The following H2BC4 variants were observed in gnomAD, a reference collection of about 807,000 sequenced individuals.
The protein encoded by H2BC4 is H2B clustered histone 4.
H2BC4 carries 10 observed loss-of-function variants against 6.2 expected under a neutral mutation model. The observed-to-expected ratio is 1.61, with a 90% CI of 0.99 to 2.73. H2BC4 has a LOEUF of 2.73. H2BC4 is among the 30% of genes most tolerant of loss of function. The probability of loss-of-function intolerance (pLI) is 0.00; values close to 1 mark genes in which losing one functional copy is unlikely to be tolerated. For missense variants in H2BC4, 176 were observed against 168.7 expected (o/e 1.04, Z -0.24); for synonymous variants, 146 against 70.7 (o/e 2.07, Z -5.35).
intron 1 of H2BC4, among the ~76,000 whole-genome samples, chr6:26,117,041 G>A (rs909900446): frequency 1.3e-5 from 2 of 152,150 alleles, no homozygotes; most frequent in Non-Finnish European, 2.9e-5. Flanking sequence ...GAAGATTTAA[G>A]AGAAATGATA....
downstream of H2BC4, chr6:26,123,276 C>T: frequency 1.6e-6 from 1 of 635,254 alleles, no homozygotes; most frequent in Non-Finnish European, 2.5e-6. Context: ...CGCTTGTCTC[C>T]ATTTTAAATT....
downstream of H2BC4, among the ~76,000 whole-genome samples, chr6:26,113,729 G>C (rs765266837): frequency 5.9e-5 from 9 of 152,144 alleles, no homozygotes; most frequent in Non-Finnish European, 8.8e-5. Flanking sequence ...CTGGAGGCTG[G>C]AAGTCTCAGA....
At chr6:26,122,246 A>G (rs1248310116), downstream of H2BC4, among the ~76,000 whole-genome samples, 2 of 152,140 alleles carry the variant, frequency 1.3e-5, no homozygotes, top group African/African-American at 4.8e-5. Flanking sequence ...GAAATTGCAG[A>G]TTTAAGATCA....
chr6:26,113,259 C>A (rs1763382018), downstream of H2BC4, among the ~76,000 whole-genome samples: 1 of 152,192 alleles, frequency 6.6e-6, no homozygotes, highest in Non-Finnish European at 1.5e-5. Flanking sequence ...ATATACAAAC[C>A]CCTCCAAGAC....
At chr6:26,114,533 T>C (rs1763395945), downstream of H2BC4, among the ~76,000 whole-genome samples, 1 of 152,190 alleles carries the variant, frequency 6.6e-6, no homozygotes, top group African/African-American at 2.4e-5. Flanking sequence ...GCAATGTATA[T>C]GTTAAGAACC....
rs1763543618 is a variant in H2BC4, at chr6:26,123,506, G to A, written c.*18C>T. 6.2e-7 allele frequency: 1 copy of A among 1,614,114 alleles called. No homozygotes were observed. Among genetic ancestry groups the A allele is most frequent in the Admixed American group, 1.7e-5 (1 of 60,000 alleles). On this transcript the variant is annotated 3_prime_UTR_variant, in exon 1 of 1. Coordinates refer to ENST00000396984, the MANE Select transcript of H2BC4 (RefSeq NM_003526.3). ...AAGAGCCTTTGGGGTTAGGTGTTAA[G>A]ACGCTTACTTGGAATGTTTACTTGG...
At chr6:26,115,139 G>A (rs1255620475) in intron 1 of H2BC4, 2 of 152,134 alleles carry the variant, frequency 1.3e-5, no homozygotes, top group East Asian at 3.8e-4. Context: ...TCTCCCCCTG[G>A]AGAAAAGAGA....
chr6:26,119,504 G>A (rs1465425266), downstream of H2BC4, among the ~76,000 whole-genome samples: 1 of 151,942 alleles, frequency 6.6e-6, no homozygotes, highest in African/African-American at 2.4e-5. Context: ...CTCACACATT[G>A]AATCCTTATA....
rs766828029 is a variant in H2BC4, at chr6:26,123,664, G to A, written c.241C>T (p.Leu81=). The part of the protein sequence containing the change: ...FERIAGEASR[L]AHYNKRSTIT... ...GTCGAGCGCTTGTTGTAATGCGCCA[G>A]GCGGGAAGCCTCGCCCGCGATGCGC... is the stretch of plus-strand genomic sequence containing the variant. The change falls in exon 1 of 1, where the codon CTG becomes TTG. Residue 81 remains leucine (L), a synonymous_variant. Coordinates refer to ENST00000396984, the MANE Select transcript of H2BC4 (RefSeq NM_003526.3). 3.7e-5 allele frequency: 60 copies of A among 1,614,280 alleles called. No homozygotes were observed. Among genetic ancestry groups the A allele is most frequent in the Non-Finnish European group, 5.0e-5 (59 of 1,180,046 alleles).
chr6:26,123,240 C>T (rs1262683152), downstream of H2BC4: 2 of 490,520 alleles, frequency 4.1e-6, no homozygotes, highest in Admixed American at 4.0e-5. Flanking sequence ...CGGTTTCTTC[C>T]GGGAACGCCG....
downstream of H2BC4, among the ~76,000 whole-genome samples, chr6:26,122,609 C>T (rs373628579): frequency 1.2e-4 from 18 of 152,260 alleles, no homozygotes; most frequent in East Asian, 1.4e-3. Flanking sequence ...CCCCACCCAG[C>T]GCCTAGTCCT....
At chr6:26,116,754 C>T (rs12206204) in intron 1 of H2BC4, among the ~76,000 whole-genome samples, 1,755 of 152,264 alleles carry the variant, frequency 0.012, 23 homozygotes, top group South Asian at 0.024. Flanking sequence ...GTGGCTCATT[C>T]TCCAGATTTA....
chr6:26,116,796 A>G (rs1366313346), intron 1 of H2BC4, among the ~76,000 whole-genome samples: 1 of 152,182 alleles, frequency 6.6e-6, no homozygotes, highest in Admixed American at 6.5e-5. Flanking sequence ...TGAACTCATG[A>G]TACTTGAGGA....
rs146199849 is a variant in H2BC4 at position 26,117,540 on chromosome 6, TA to T, written c.*10-2406del. On this transcript the variant is annotated intron_variant, in intron 1 of 1. Coordinates refer to the H2BC4 transcript ENST00000314332. Reference sequence around the variant, plus strand: ...ATTGAGCAGTGCTGTGCAGCCATTTTACTAGCATGATACCACGTCTGGAACT... The same window carrying T: ...ATTGAGCAGTGCTGTGCAGCCATTTTCTAGCATGATACCACGTCTGGAACT... 1.9e-3 allele frequency among the ~76,000 whole-genome samples: 292 copies of T among 152,324 alleles called. 1 individual carries two copies. The highest frequency in any genetic ancestry group is 6.7e-3 in the African/African-American group (279 of 41,574).
downstream of H2BC4, among the ~76,000 whole-genome samples, chr6:26,118,754 T>A (rs557081819): frequency 1.3e-5 from 2 of 152,194 alleles, no homozygotes; most frequent in Non-Finnish European, 2.9e-5. Flanking sequence ...TTTTTAGTGA[T>A]AGTGTATTTC....
At position 26,123,925 on chromosome 6, in the gene H2BC4, T is replaced by G; in HGVS notation, c.-21A>C. 6.2e-7 allele frequency: 1 copy of G among 1,609,690 alleles called. No homozygotes were observed. Among genetic ancestry groups the G allele is most frequent in the Non-Finnish European group, 8.5e-7 (1 of 1,178,926 alleles). Reference sequence around the variant, plus strand: ...GGCATCTTAAAACACCAGAAATGTGTCGAAAGTAAAGAGCGGATTTCTGCT... The same window carrying G: ...GGCATCTTAAAACACCAGAAATGTGGCGAAAGTAAAGAGCGGATTTCTGCT... On this transcript the variant is annotated 5_prime_UTR_variant, in exon 1 of 1. Transcript: ENST00000396984.
At chr6:26,117,326 T>C (rs1293615182) in intron 1 of H2BC4, among the ~76,000 whole-genome samples, 2 of 152,234 alleles carry the variant, frequency 1.3e-5, no homozygotes, top group Non-Finnish European at 2.9e-5. Flanking sequence ...GTGGTTTATA[T>C]GCATTAAGGA....
At chr6:26,123,078 C>T (rs1763527684), downstream of H2BC4, among the ~76,000 whole-genome samples, 2 of 152,162 alleles carry the variant, frequency 1.3e-5, no homozygotes, top group African/African-American at 4.8e-5. Flanking sequence ...ATCAGAGTCT[C>T]AAAACAGCTT....
At chr6:26,123,070 C>T (rs1216744457), downstream of H2BC4, among the ~76,000 whole-genome samples, 1 of 152,178 alleles carries the variant, frequency 6.6e-6, no homozygotes, top group Admixed American at 6.5e-5. Context: ...CTATGTAAAT[C>T]AGAGTCTCAA....
Sources: allele counts gnomAD v4.1 joint callset (sites outside exome capture counted in the v4.1 genomes callset), GRCh38; gene constraint gnomAD v4.1.1; transcripts MANE v1.5; gene names NCBI Gene and HGNC (gene_info 2026-07-23, HGNC 2026-07-21).